OTOP1: variants seen among roughly 807,000 people sequenced by gnomAD.
The protein encoded by OTOP1 is proton channel OTOP1.
Under a neutral mutation model 52.9 loss-of-function variants are expected in OTOP1, and 59 were observed. That is an observed-to-expected ratio of 1.12 (90% confidence interval 0.91 to 1.39). The LOEUF is 1.39. Ranked by LOEUF, OTOP1 falls within the 40% of genes most tolerant of loss-of-function variation. OTOP1 has a pLI of 0.00. For synonymous variants in OTOP1, 317 were observed against 337.7 expected (o/e 0.94, Z 0.67); for missense variants, 761 against 800.9 (o/e 0.95, Z 0.60).
rs777429125 is a variant in OTOP1 at position 4,189,750 on chromosome 4, C to T, written c.1669-777G>A. Among the ~76,000 whole-genome samples the T allele has an allele frequency of 7.9e-5, 12 of 152,220 alleles. 1 individual carries two copies. Among genetic ancestry groups the T allele is most frequent in the South Asian group, 6.2e-4 (3 of 4,826 alleles). On this transcript the variant is annotated intron_variant, in intron 5 of 5. Transcript: ENST00000296358. ...CTGCCATGCTGTGAAGCACCCTATG[C>T]GGCAAGGGGCCCAGGGAGTACTCCC...
chr4:4,222,233 A>G (rs1233153939), intron 1 of OTOP1, among the ~76,000 whole-genome samples: 1 of 152,068 alleles, frequency 6.6e-6, no homozygotes, highest in Admixed American at 6.6e-5. Context: ...AAGAAAATGA[A>G]GAGTGCTATG....
chr4:4,224,109 G>A (rs1214041751), intron 1 of OTOP1, among the ~76,000 whole-genome samples: 1 of 152,056 alleles, frequency 6.6e-6, no homozygotes, highest in Non-Finnish European at 1.5e-5. Context: ...AGCACTTTGG[G>A]AGGCTGAGGC....
chr4:4,199,214 G>A (rs1716720082), intron 4 of OTOP1, among the ~76,000 whole-genome samples: 1 of 115,346 alleles, frequency 8.7e-6, no homozygotes, highest in Admixed American at 8.8e-5. Context: ...AAAAACTCAG[G>A]TAAAATTGTG....
chr4:4,207,848 A>T (rs1249913439), intron 2 of OTOP1, among the ~76,000 whole-genome samples: 1 of 152,204 alleles, frequency 6.6e-6, no homozygotes, highest in African/African-American at 2.4e-5. Context: ...GCCTTTCATT[A>T]CAGATGATTT....
intron 2 of OTOP1, among the ~76,000 whole-genome samples, chr4:4,207,345 T>G (rs928686711): frequency 5.3e-5 from 8 of 152,232 alleles, no homozygotes; most frequent in Non-Finnish European, 8.8e-5. Context: ...TTGAAAACTT[T>G]TTTTAGTGAA....
chr4:4,226,710 C>T lies in OTOP1; in HGVS notation c.155G>A (p.Ser52Asn). The change falls in exon 1 of 6, where the codon AGC (serine) becomes AAC (asparagine). Residue 52 changes from serine (S) to asparagine (N), a missense_variant. Ser to Asn is a conservative substitution (Grantham distance 46, BLOSUM62 1). Coordinates refer to ENST00000296358, the MANE Select transcript of OTOP1 (RefSeq NM_177998.3). ...CATCTCGGCCAGTTTCTGTGGGACG[C>T]TGGCGCGCACACCGCCCCGCCGGGG... is the stretch of plus-strand genomic sequence containing the variant. Reference protein sequence around the residue: ...PAPRRGGVRASVPQKLAEMLS... With the variant: ...PAPRRGGVRANVPQKLAEMLS... The T allele has an allele frequency of 7.0e-7, 1 of 1,437,170 alleles. No homozygotes were observed. Among genetic ancestry groups the T allele is most frequent in the Admixed American group, 2.9e-5 (1 of 35,036 alleles). The allele number at this position is 1,437,170 out of a possible 1,614,324, so 89.0% of individuals were successfully genotyped here. A position where few individuals can be genotyped will look rare whatever the true frequency, so the allele number is the denominator to read the frequency against.
At position 4,199,220 on chromosome 4, in the gene OTOP1, T is replaced by TTGTGTGTGTGTGTGTGTGTGTG. The variant is rs151144007; in HGVS notation, c.731-1118_731-1117insCACACACACACACACACACACA. On this transcript the variant is annotated intron_variant, in intron 4 of 5. Coordinates refer to ENST00000296358, the MANE Select transcript of OTOP1 (RefSeq NM_177998.3). ...TAATTTAAAAAAAACTCAGGTAAAATTGTGTGTGTGTGTGAGAGAGAGAGA... is the reference window on the plus strand; with the variant it reads ...TAATTTAAAAAAAACTCAGGTAAAATTGTGTGTGTGTGTGTGTGTGTGTGTGTGTGTGTGTGAGAGAGAGAGA... Among the ~76,000 whole-genome samples, 52 of 54,188 alleles carry TTGTGTGTGTGTGTGTGTGTGTG rather than the reference T, an allele frequency of 9.6e-4. 1 individual carries two copies. Among genetic ancestry groups the TTGTGTGTGTGTGTGTGTGTGTG allele is most frequent in the African/African-American group, 1.2e-3 (14 of 11,422 alleles). 35.5% of individuals were successfully genotyped at this position (54,188 alleles called of 152,430 possible). A position where few individuals can be genotyped will look rare whatever the true frequency, so the allele number is the denominator to read the frequency against.
chr4:4,212,794 T>C (rs1717053586), intron 2 of OTOP1, 74 bp downstream of exon 2: 1 of 1,532,486 alleles, frequency 6.5e-7, no homozygotes, highest in Non-Finnish European at 9.0e-7. Flanking sequence ...CACGTCTTGA[T>C]GTTACAAGTT....
chr4:4,190,431 G>A (rs1354093637), intron 5 of OTOP1, among the ~76,000 whole-genome samples: 1 of 152,146 alleles, frequency 6.6e-6, no homozygotes, highest in Non-Finnish European at 1.5e-5. Context: ...CCAAGATCAT[G>A]CCACTGCACT....
At chr4:4,201,210 C>CAAGGCCAAGA (rs896389574) in intron 4 of OTOP1, among the ~76,000 whole-genome samples, 4 of 152,130 alleles carry the variant, frequency 2.6e-5, no homozygotes, top group Non-Finnish European at 1.5e-5. Context: ...AGGTGGATCA[C>CAAGGCCAAGA]AAGGCCAAGA....
At chr4:4,225,077 G>A (rs1397155888) in intron 1 of OTOP1, among the ~76,000 whole-genome samples, 1 of 152,212 alleles carries the variant, frequency 6.6e-6, no homozygotes, top group Non-Finnish European at 1.5e-5. Flanking sequence ...CAAGGAACAC[G>A]GAAGCCCCAC....
chr4:4,199,540 G>A (rs899759089), intron 4 of OTOP1, among the ~76,000 whole-genome samples: 2 of 152,020 alleles, frequency 1.3e-5, no homozygotes, highest in African/African-American at 4.8e-5. Context: ...AGCCTGCTGA[G>A]TAGCTGGGAC....
At chr4:4,220,450 T>C (rs1253537906) in intron 1 of OTOP1, among the ~76,000 whole-genome samples, 1 of 152,138 alleles carries the variant, frequency 6.6e-6, no homozygotes, top group East Asian at 1.9e-4. Flanking sequence ...CAGTAGAACA[T>C]AGAGTGGCAG....
intron 5 of OTOP1, among the ~76,000 whole-genome samples, chr4:4,193,450 G>A (rs1282629431): frequency 6.6e-6 from 1 of 152,194 alleles, no homozygotes; most frequent in Admixed American, 6.5e-5. Flanking sequence ...ACCTGGACAT[G>A]CACATCAGCA....
At chr4:4,207,962 T>C (rs1348425172) in intron 2 of OTOP1, among the ~76,000 whole-genome samples, 2 of 152,196 alleles carry the variant, frequency 1.3e-5, no homozygotes, top group African/African-American at 4.8e-5. Context: ...TTGCATTCTT[T>C]TGAGTCTTTG....
At chr4:4,210,746 G>T (rs973119333) in intron 2 of OTOP1, among the ~76,000 whole-genome samples, 3 of 152,100 alleles carry the variant, frequency 2.0e-5, no homozygotes, top group African/African-American at 7.2e-5. Flanking sequence ...CAGGAGAATT[G>T]CTTCAACCCA....
intron 4 of OTOP1, among the ~76,000 whole-genome samples, chr4:4,201,220 A>T (rs571709195): frequency 6.1e-4 from 93 of 152,264 alleles, no homozygotes; most frequent in African/African-American, 1.9e-3. Context: ...CAAGGCCAAG[A>T]GTTCGAGACC....
At chr4:4,200,457 C>T (rs1377580306) in intron 4 of OTOP1, among the ~76,000 whole-genome samples, 20 of 137,330 alleles carry the variant, frequency 1.5e-4, no homozygotes, top group African/African-American at 5.1e-4. Flanking sequence ...GCCTGGGCGA[C>T]GAGCGAGACT....
intron 2 of OTOP1, among the ~76,000 whole-genome samples, chr4:4,211,841 T>G (rs1045525291): frequency 1.3e-5 from 2 of 152,132 alleles, no homozygotes; most frequent in African/African-American, 4.8e-5. Flanking sequence ...AATTAGAAGA[T>G]TTTGGTCAAA....
Sources: gnomAD v4.1 joint callset for allele counts (sites outside exome capture counted in the v4.1 genomes callset) on GRCh38, gnomAD v4.1.1 for gene constraint, MANE v1.5 for transcripts, NCBI Gene and HGNC (gene_info 2026-07-23, HGNC 2026-07-21) for gene names.